Variants in EIF4G3 observed in about 807,000 individuals in gnomAD.
EIF4G3 encodes the protein eukaryotic translation initiation factor 4 gamma 3, also known as eIF-4-gamma 3.
In EIF4G3, 34 loss-of-function variants were observed where a neutral mutation model predicts 186.4. The observed-to-expected ratio is 0.18, with a 90% CI of 0.14 to 0.24. The LOEUF (loss-of-function observed/expected upper bound fraction) is 0.24, where lower values mean the gene tolerates loss of function less well. Ranked by LOEUF, EIF4G3 falls within the 10% of genes least tolerant of loss-of-function variation. The probability of loss-of-function intolerance (pLI) is 1.00; values close to 1 mark genes in which losing one functional copy is unlikely to be tolerated. For synonymous variants in EIF4G3, 673 were observed against 679.5 expected (o/e 0.99, Z 0.15); for missense variants, 1,536 against 1,948.5 (o/e 0.79, Z 3.99).
chr1:21,060,524 G>A (rs2094835535), intron 3 of EIF4G3, among the ~76,000 whole-genome samples: 1 of 152,196 alleles, frequency 6.6e-6, no homozygotes, highest in Non-Finnish European at 1.5e-5. Context: ...TTAAAAGCAG[G>A]AGTGTGAAAA....
intron 25 of EIF4G3, 120 bp downstream of exon 25, chr1:20,857,283 C>G (rs2075244642): frequency 9.2e-6 from 7 of 756,824 alleles, no homozygotes; most frequent in Middle Eastern, 2.8e-4. Flanking sequence ...TGCTGTTTTA[C>G]TTTAATAAGT....
intron 34 of EIF4G3, among the ~76,000 whole-genome samples, chr1:20,816,219 G>A (rs1363778602): frequency 1.2e-5 from 1 of 84,314 alleles, no homozygotes; most frequent in Non-Finnish European, 2.5e-5. Flanking sequence ...CCGTCCGGGA[G>A]GGAGGTGGGG....
At position 21,092,612 on chromosome 1, in the gene EIF4G3, C is replaced by A. The variant is rs534582931; in HGVS notation, c.-271-3399G>T. ...TGGAAAAAACTACTTTAAAGTTCAT[C>A]TGGAACCAAAAAAGGGCCCGCACTG... On this transcript the variant is annotated intron_variant, in intron 2 of 36. Transcript: ENST00000602326. Among the ~76,000 whole-genome samples, 85 of 152,138 alleles carry A rather than the reference C, an allele frequency of 5.6e-4. No homozygotes were observed. In the South Asian group the frequency reaches 0.014, roughly 25 times the overall value.
intron 12 of EIF4G3, among the ~76,000 whole-genome samples, chr1:20,954,862 T>A (rs2096360608): frequency 2.0e-5 from 3 of 152,206 alleles, no homozygotes; most frequent in Admixed American, 6.5e-5. Context: ...AGATGACCCA[T>A]AATCTGGGGT....
chr1:20,857,472 C>T lies in EIF4G3; in HGVS notation c.3270G>A (p.Gly1090=). 6.2e-7 allele frequency: 1 copy of T among 1,614,122 alleles called. No individual in the cohort carries two copies. The highest frequency in any genetic ancestry group is 8.5e-7 in the Non-Finnish European group (1 of 1,180,012). ...RPGVQRVDEG[G]WNTVQGAKNS... ...TCTTGGCCCCTTGTACAGTGTTCCA[C>T]CCACCTTCGTCCACTCTCTGGACAC... The change falls in exon 25 of 37, where the codon GGG becomes GGA. Residue 1090 remains glycine, a synonymous_variant. Coordinates refer to ENST00000602326, the MANE Select transcript of EIF4G3 (RefSeq NM_001391906.1).
At chr1:20,915,232 A>C (rs187332480) in intron 14 of EIF4G3, among the ~76,000 whole-genome samples, 1 of 152,310 alleles carries the variant, frequency 6.6e-6, no homozygotes, top group African/African-American at 2.4e-5. Flanking sequence ...GCTCTGTGGA[A>C]GAATCTATTT....
At chr1:21,154,334 T>C (rs1364268590) in intron 2 of EIF4G3, among the ~76,000 whole-genome samples, 3 of 152,172 alleles carry the variant, frequency 2.0e-5, no homozygotes, top group Non-Finnish European at 4.4e-5. Context: ...CAAAATGCTA[T>C]TAACTAAAGT....
chr1:21,126,561 T>C (rs1407608451), intron 2 of EIF4G3, among the ~76,000 whole-genome samples: 1 of 151,724 alleles, frequency 6.6e-6, no homozygotes, highest in Admixed American at 6.6e-5. Flanking sequence ...GAGAATGGCA[T>C]GGGAGGATCC....
chr1:21,172,794 C>T (rs2098010181), intron 2 of EIF4G3, among the ~76,000 whole-genome samples: 3 of 151,042 alleles, frequency 2.0e-5, no homozygotes, highest in African/African-American at 7.4e-5. Flanking sequence ...ATGATCTGCC[C>T]ACCTCGGCCT....
chr1:21,063,740 CA>C (rs1269254828), intron 3 of EIF4G3, among the ~76,000 whole-genome samples: 1 of 144,932 alleles, frequency 6.9e-6, no homozygotes, highest in Admixed American at 6.9e-5. Context: ...GACGCAGTCT[CA>C]CTCTGTTGCC....
chr1:20,852,256 C>A (rs2073562315), intron 27 of EIF4G3, among the ~76,000 whole-genome samples: 1 of 152,108 alleles, frequency 6.6e-6, no homozygotes, highest in Admixed American at 6.5e-5. Flanking sequence ...CCCACCTCGG[C>A]CTCCCAAACT....
At position 20,913,789 on chromosome 1, in the gene EIF4G3, C is replaced by A. The variant is rs796492014; in HGVS notation, c.1664-8818G>T. Among the ~76,000 whole-genome samples, 36 of 145,552 alleles carry A rather than the reference C, an allele frequency of 2.5e-4. 2 individuals are homozygous for A. The highest frequency in any genetic ancestry group is 6.8e-4 in the African/African-American group (27 of 39,768). ...AATTTCTTAAGATGAAAGTTGAGGT[C>A]AATTATTAGAATTTTTTTTTTTTTT... On this transcript the variant is annotated intron_variant, in intron 14 of 36. Transcript: ENST00000602326.
intron 2 of EIF4G3, chr1:21,175,199 G>A (rs1267004591): frequency 6.6e-6 from 1 of 152,090 alleles, no homozygotes. Flanking sequence ...TTATTCTCAG[G>A]TACGCAATAC....
intron 14 of EIF4G3, among the ~76,000 whole-genome samples, chr1:20,920,688 C>T (rs1488417032): frequency 6.6e-6 from 1 of 152,160 alleles, no homozygotes; most frequent in Non-Finnish European, 1.5e-5. Context: ...CTACCTGATT[C>T]TCACTGTACT....
At chr1:20,921,678 A>G (rs1027779369) in intron 14 of EIF4G3, among the ~76,000 whole-genome samples, 1 of 152,180 alleles carries the variant, frequency 6.6e-6, no homozygotes, top group Non-Finnish European at 1.5e-5. Flanking sequence ...CCAGCTTCTG[A>G]TATTGCCAGG....
intron 4 of EIF4G3, among the ~76,000 whole-genome samples, chr1:21,004,448 A>G (rs2084477649): frequency 6.6e-6 from 1 of 152,174 alleles, no homozygotes; most frequent in Admixed American, 6.5e-5. Context: ...TTGGACTGAA[A>G]TCCTAACAAT....
At chr1:20,865,375 T>C (rs1245748448) in intron 20 of EIF4G3, 113 bp from the exon 21 acceptor site, 4 of 1,151,046 alleles carry the variant, frequency 3.5e-6, no homozygotes, top group Non-Finnish European at 4.9e-6. Context: ...GTAAGCATTC[T>C]ATAAGAGGCA....
chr1:21,068,794 T>C (rs1388835931), intron 3 of EIF4G3, among the ~76,000 whole-genome samples: 1 of 152,206 alleles, frequency 6.6e-6, no homozygotes, highest in African/African-American at 2.4e-5. Flanking sequence ...GAAAATGTTC[T>C]ACAGATTGAG....
intron 32 of EIF4G3, among the ~76,000 whole-genome samples, chr1:20,827,108 T>C (rs567505342): frequency 6.6e-6 from 1 of 152,296 alleles, no homozygotes; most frequent in South Asian, 2.1e-4. Context: ...CTGAGTTCTG[T>C]TTTGTTTTGA....
Sources: allele counts gnomAD v4.1 joint callset (sites outside exome capture counted in the v4.1 genomes callset), GRCh38; gene constraint gnomAD v4.1.1; transcripts MANE v1.5; gene names NCBI Gene and HGNC (gene_info 2026-07-23, HGNC 2026-07-21).